The following EIF4B variants were observed in gnomAD, a reference collection of about 807,000 sequenced individuals.
EIF4B encodes eukaryotic translation initiation factor 4B.
In EIF4B, 8 loss-of-function variants were observed where a neutral mutation model predicts 79.3. That is an observed-to-expected ratio of 0.10 (90% CI 0.06 to 0.18). The LOEUF (loss-of-function observed/expected upper bound fraction) is 0.18. EIF4B is among the 10% of genes least tolerant of loss of function. The pLI, the probability that EIF4B is intolerant of heterozygous loss-of-function variation, is 1.00. For synonymous variants in EIF4B, 238 were observed against 274.7 expected (o/e 0.87, Z 1.32); for missense variants, 515 against 792.4 (o/e 0.65, Z 4.20).
In EIF4B at chr12:53,016,686, C is replaced by A. The variant is rs149552255; in HGVS notation, c.151+76C>A. On this transcript the variant is annotated intron_variant, in intron 2 of 14. Coordinates refer to ENST00000262056, the MANE Select transcript of EIF4B (RefSeq NM_001417.7). Reference sequence around the variant, plus strand: ...AAACCTATTACATAATAATTCACATCGTTTGTAATCTGAAAAGAACTTACT... The same window carrying A: ...AAACCTATTACATAATAATTCACATAGTTTGTAATCTGAAAAGAACTTACT... 13 of 1,483,942 alleles carry A rather than the reference C, an allele frequency of 8.8e-6. No homozygotes were observed. In the East Asian group the frequency reaches 1.2e-4, roughly 13 times the overall value. 91.9% of individuals were successfully genotyped at this position (1,483,942 alleles called of 1,614,324 possible). A position where few individuals can be genotyped will look rare whatever the true frequency, so the allele number is the denominator to read the frequency against.
intron 5 of EIF4B, among the ~76,000 whole-genome samples, chr12:53,022,100 G>A (rs1409947625): frequency 6.6e-6 from 1 of 152,142 alleles, no homozygotes; most frequent in Non-Finnish European, 1.5e-5. Context: ...TAGGGAATAG[G>A]ACAGTCCCCA....
At chr12:53,016,649 A>G (rs778563826) in intron 2 of EIF4B, 39 bp downstream of exon 2, 2 of 1,534,390 alleles carry the variant, frequency 1.3e-6, no homozygotes, top group Non-Finnish European at 8.7e-7. Context: ...AATGTTTATT[A>G]TTTTCTAGAC....
intron 8 of EIF4B, among the ~76,000 whole-genome samples, chr12:53,032,143 A>G (rs571697821): frequency 2.0e-5 from 3 of 152,254 alleles, no homozygotes; most frequent in Admixed American, 2.0e-4. Context: ...AGACAAGGGT[A>G]TAAGATCTAG....
At chr12:53,032,121 T>C (rs1943457393) in intron 8 of EIF4B, among the ~76,000 whole-genome samples, 1 of 152,142 alleles carries the variant, frequency 6.6e-6, no homozygotes, top group South Asian at 2.1e-4. Flanking sequence ...GCCAAATTTA[T>C]ATTATACACA....
At chr12:53,038,102 CAG>C in intron 11 of EIF4B, 1 of 299,398 alleles carries the variant, frequency 3.3e-6, no homozygotes, top group South Asian at 5.4e-5. Context: ...GCCTGGGCGA[CAG>C]AGTTAAGACT....
intron 8 of EIF4B, among the ~76,000 whole-genome samples, 175 bp downstream of exon 8, chr12:53,028,363 G>A (rs1943376734): frequency 6.6e-6 from 1 of 152,046 alleles, no homozygotes; most frequent in African/African-American, 2.4e-5. Flanking sequence ...AGATCACAAG[G>A]TCAGGAGATC....
At chr12:53,027,480 C>T (rs1188526190) in intron 6 of EIF4B, among the ~76,000 whole-genome samples, 1 of 152,016 alleles carries the variant, frequency 6.6e-6, no homozygotes, top group Non-Finnish European at 1.5e-5. Context: ...TGGGATCAAA[C>T]ATGGGAGATT....
At chr12:53,016,393 ATGTTT>A in intron 1 of EIF4B, 75 bp from the exon 2 acceptor site, 1 of 1,557,762 alleles carries the variant, frequency 6.4e-7, no homozygotes, top group Non-Finnish European at 8.7e-7. Flanking sequence ...TTTCTAAATA[ATGTTT>A]TACAATATTG....
At chr12:53,021,914 GC>G in intron 5 of EIF4B, 54 bp downstream of exon 5, 1 of 1,607,714 alleles carries the variant, frequency 6.2e-7, no homozygotes, top group Non-Finnish European at 8.5e-7. Flanking sequence ...ATGACACCAA[GC>G]CATCCTTTCC....
chr12:53,021,602 T>C, intron 4 of EIF4B: 4 of 666,504 alleles, frequency 6.0e-6, no homozygotes, highest in South Asian at 3.3e-5. Flanking sequence ...ATTGACCTAA[T>C]ATTCAAGGCC....
At chr12:53,036,481 A>C (rs1943542904) in intron 10 of EIF4B, among the ~76,000 whole-genome samples, 1 of 152,158 alleles carries the variant, frequency 6.6e-6, no homozygotes, top group Non-Finnish European at 1.5e-5. Flanking sequence ...ATCATAGCTC[A>C]CTGCAGCCTC....
chr12:53,019,437 A>ATTTTTTTTT (rs1337954535), intron 3 of EIF4B, among the ~76,000 whole-genome samples: 3 of 51,002 alleles, frequency 5.9e-5, no homozygotes, highest in African/African-American at 2.0e-4. Context: ...ATATATATAT[A>ATTTTTTTTT]TTTTTTTTTT....
chr12:53,007,420 CTTTTTTTTTTTTTTTT>C (rs56017954), intron 1 of EIF4B, among the ~76,000 whole-genome samples: 1 of 92,236 alleles, frequency 1.1e-5, no homozygotes. Flanking sequence ...AGATTTCAGC[CTTTTTTTTTTTTTTTT>C]TTTTTTTTTT....
chr12:53,009,424 G>A (rs1179380245), intron 1 of EIF4B, among the ~76,000 whole-genome samples: 1 of 152,158 alleles, frequency 6.6e-6, no homozygotes, highest in Non-Finnish European at 1.5e-5. Context: ...TAATCCAGGA[G>A]GCAGAGGTTG....
intron 3 of EIF4B, among the ~76,000 whole-genome samples, chr12:53,019,651 C>G (rs1943215578): frequency 1.4e-5 from 2 of 146,392 alleles, no homozygotes; most frequent in South Asian, 4.4e-4. Flanking sequence ...CAGGCATGAG[C>G]CACTGCACCT....
At chr12:53,018,567 G>C (rs1943185004) in intron 2 of EIF4B, among the ~76,000 whole-genome samples, 1 of 152,148 alleles carries the variant, frequency 6.6e-6, no homozygotes, top group Non-Finnish European at 1.5e-5. Flanking sequence ...ATTCCATAAA[G>C]AGTTGTATTT....
chr12:53,021,651 TC>T, intron 4 of EIF4B, 154 bp from the exon 5 acceptor site: 1 of 848,008 alleles, frequency 1.2e-6, no homozygotes, highest in Non-Finnish European at 2.0e-6. Flanking sequence ...TTTAAAGGAC[TC>T]TTTAGCCCAC....
intron 1 of EIF4B, among the ~76,000 whole-genome samples, chr12:53,010,015 G>A (rs573721222): frequency 6.2e-4 from 94 of 152,316 alleles, no homozygotes; most frequent in African/African-American, 2.2e-3. Flanking sequence ...TCTTAAATTT[G>A]TAGTAGATAC....
chr12:53,018,375 G>T (rs1208188891), intron 2 of EIF4B, among the ~76,000 whole-genome samples: 1 of 152,146 alleles, frequency 6.6e-6, no homozygotes, highest in Non-Finnish European at 1.5e-5. Context: ...GTCAGTAGTG[G>T]TTAAATATAC....
Sources: allele counts gnomAD v4.1 joint callset (sites outside exome capture counted in the v4.1 genomes callset), GRCh38; gene constraint gnomAD v4.1.1; transcripts MANE v1.5; gene names NCBI Gene and HGNC (gene_info 2026-07-23, HGNC 2026-07-21).